TENM2: variants seen among roughly 807,000 people sequenced by gnomAD.
The protein encoded by TENM2 is teneurin transmembrane protein 2.
TENM2 carries 52 observed loss-of-function variants against 245.2 expected under a neutral mutation model. The ratio of observed to expected loss-of-function variants is 0.21; its 90% CI spans 0.17 to 0.27. TENM2 has a LOEUF of 0.27. Ranked by LOEUF, TENM2 falls within the 10% of genes least tolerant of loss-of-function variation. The probability of loss-of-function intolerance (pLI) is 1.00; values close to 1 mark genes in which losing one functional copy is unlikely to be tolerated. For missense variants in TENM2, 3,046 were observed against 3,666.8 expected (o/e 0.83, Z 4.37); for synonymous variants, 1,363 against 1,438.9 (o/e 0.95, Z 1.19).
chr5:167,737,392 C>G (rs1249781864), intron 2 of TENM2, among the ~76,000 whole-genome samples: 5 of 152,174 alleles, frequency 3.3e-5, no homozygotes, highest in Non-Finnish European at 4.4e-5. Flanking sequence ...ACTGCCCCAG[C>G]CTGGGAGTCC....
At chr5:167,847,137 G>A (rs1770118685) in intron 2 of TENM2, among the ~76,000 whole-genome samples, 1 of 152,198 alleles carries the variant, frequency 6.6e-6, no homozygotes, top group African/African-American at 2.4e-5. Flanking sequence ...ATGTTTTGTA[G>A]AGATAGAGTC....
chr5:168,089,479 G>A (rs760866832), intron 7 of TENM2, among the ~76,000 whole-genome samples: 4 of 152,202 alleles, frequency 2.6e-5, no homozygotes, highest in East Asian at 1.9e-4. Flanking sequence ...CTTGGGTCCC[G>A]TTTGACCTCC....
At chr5:167,318,539 A>C (rs1343167062) in intron 1 of TENM2, among the ~76,000 whole-genome samples, 1 of 152,162 alleles carries the variant, frequency 6.6e-6, no homozygotes, top group Non-Finnish European at 1.5e-5. Flanking sequence ...TCATCTATAA[A>C]TATCATATAA....
intron 27 of TENM2, among the ~76,000 whole-genome samples, chr5:168,250,087 G>T (rs1458441603): frequency 6.6e-6 from 1 of 151,762 alleles, no homozygotes; most frequent in African/African-American, 2.4e-5. Context: ...TGACTGGATG[G>T]CTGGCTGGCT....
intron 2 of TENM2, among the ~76,000 whole-genome samples, chr5:167,872,548 G>GAAAGAAAGAGAAAGAAAGAA (rs1313191288): frequency 1.4e-4 from 9 of 65,380 alleles, no homozygotes; most frequent in Non-Finnish European, 3.2e-4. Flanking sequence ...AAGAAAGAAA[G>GAAAGAAAGAGAAAGAAAGAA]AGAAAGAAAG....
rs766515461 is a variant in TENM2 at position 167,292,136 on chromosome 5, C to T, written c.226+7073C>T. Reference sequence around the variant, plus strand: ...TTACCCCCATGATTCAATTACCTCCCACCAGGTCCCTCCCATCACACATGG... The same window carrying T: ...TTACCCCCATGATTCAATTACCTCCTACCAGGTCCCTCCCATCACACATGG... On this transcript the variant is annotated intron_variant, in intron 1 of 28. Transcript: ENST00000518659. Among the ~76,000 whole-genome samples, 51 of 152,268 alleles carry T rather than the reference C, an allele frequency of 3.3e-4. No homozygotes were observed. In the Middle Eastern group the frequency reaches 0.01, roughly 30 times the overall value.
intron 2 of TENM2, among the ~76,000 whole-genome samples, chr5:167,862,356 C>T (rs1415625028): frequency 2.0e-5 from 3 of 152,114 alleles, no homozygotes; most frequent in Non-Finnish European, 2.9e-5. Context: ...TCCAGCATAC[C>T]ACTAGGCTCC....
At chr5:167,378,286 G>A (rs1291504816) in intron 2 of TENM2, among the ~76,000 whole-genome samples, 1 of 151,722 alleles carries the variant, frequency 6.6e-6, no homozygotes, top group Admixed American at 6.6e-5. Flanking sequence ...TGTTGATTGT[G>A]CTTCCTACAT....
At chr5:167,884,174 C>T (rs1774100095) in intron 3 of TENM2, among the ~76,000 whole-genome samples, 1 of 152,160 alleles carries the variant, frequency 6.6e-6, no homozygotes, top group Non-Finnish European at 1.5e-5. Flanking sequence ...TTAAAAGAGG[C>T]TTAGACAATT....
intron 2 of TENM2, among the ~76,000 whole-genome samples, chr5:167,488,444 G>A (rs1329026383): frequency 6.6e-6 from 1 of 152,018 alleles, no homozygotes. Flanking sequence ...TCATCTTACT[G>A]GACCTATAAG....
At chr5:167,244,359 C>G in the TENM2 span, among the ~76,000 whole-genome samples, 5 of 152,230 alleles carry the variant, frequency 3.3e-5, no homozygotes, top group Admixed American at 1.3e-4. Flanking sequence ...ACGTGTTAAC[C>G]TAACTCCCAC....
intron 2 of TENM2, among the ~76,000 whole-genome samples, chr5:167,801,109 A>AAAAAATAT (rs1444227809): frequency 1.8e-4 from 12 of 66,548 alleles, no homozygotes; most frequent in South Asian, 1.2e-3. Flanking sequence ...AAAAAAAAAA[A>AAAAAATAT]ATATATATAT....
chr5:167,782,313 C>CAAAAAAAAAAAAAAAAAA (rs767675565), intron 2 of TENM2, among the ~76,000 whole-genome samples: 4 of 58,772 alleles, frequency 6.8e-5, no homozygotes, highest in Admixed American at 1.8e-4. Context: ...AACTCTGTCT[C>CAAAAAAAAAAAAAAAAAA]AAAAAAAAAA....
chr5:168,241,955 A>G (rs1436616455), intron 25 of TENM2, among the ~76,000 whole-genome samples: 1 of 152,140 alleles, frequency 6.6e-6, no homozygotes, highest in African/African-American at 2.4e-5. Context: ...TGAACACTGA[A>G]GACACCTAGA....
chr5:168,061,121 G>A (rs191919681), intron 6 of TENM2, among the ~76,000 whole-genome samples: 3 of 152,246 alleles, frequency 2.0e-5, no homozygotes, highest in African/African-American at 7.2e-5. Context: ...AGTTGGCTCA[G>A]CAGTTCTTAG....
At chr5:167,171,496 C>T in the TENM2 span, among the ~76,000 whole-genome samples, 1 of 152,138 alleles carries the variant, frequency 6.6e-6, no homozygotes, top group African/African-American at 2.4e-5. Flanking sequence ...CATATGAAGC[C>T]ATAGGCAGGT....
chr5:167,608,783 GAAAATGCTT>G (rs1197399755), intron 2 of TENM2, among the ~76,000 whole-genome samples: 2 of 152,140 alleles, frequency 1.3e-5, no homozygotes, highest in Non-Finnish European at 2.9e-5. Flanking sequence ...AGTGTTTCCT[GAAAATGCTT>G]TTGTGCTTTG....
At chr5:167,151,594 C>T in the TENM2 span, among the ~76,000 whole-genome samples, 6 of 152,290 alleles carry the variant, frequency 3.9e-5, no homozygotes, top group African/African-American at 1.4e-4. Context: ...TCTCGGCTCA[C>T]TGCAAGTTCC....
chr5:168,042,083 C>T (rs917048615), intron 5 of TENM2, among the ~76,000 whole-genome samples: 4 of 152,238 alleles, frequency 2.6e-5, no homozygotes, highest in African/African-American at 7.2e-5. Flanking sequence ...TGCAGAGGCA[C>T]GGAGACCCAG....
Sources: gnomAD v4.1 joint callset for allele counts (sites outside exome capture counted in the v4.1 genomes callset) on GRCh38, gnomAD v4.1.1 for gene constraint, MANE v1.5 for transcripts, NCBI Gene and HGNC (gene_info 2026-07-23, HGNC 2026-07-21) for gene names.